The following LNX2 variants were observed in gnomAD, a reference collection of about 807,000 sequenced individuals.
LNX2 encodes ligand of Numb protein X 2.
Under a neutral mutation model 66.2 loss-of-function variants are expected in LNX2, and 35 were observed. The observed-to-expected ratio is 0.53, with a 90% CI of 0.40 to 0.70. LNX2 has a LOEUF of 0.70. Among genes scored for constraint, LNX2 ranks in the 30% least tolerant of loss-of-function variants. The pLI is 0.00. For synonymous variants in LNX2, 337 were observed against 315.6 expected, an observed-to-expected ratio of 1.07 and a Z score of -0.72; for missense variants, 791 against 850.8, an observed-to-expected ratio of 0.93 and a Z score of 0.87.
At chr13:27,591,231 C>G (rs1241497188) in intron 1 of LNX2, among the ~76,000 whole-genome samples, 1 of 152,082 alleles carries the variant, frequency 6.6e-6, no homozygotes, top group Non-Finnish European at 1.5e-5. Flanking sequence ...ACTGAGAAAA[C>G]TTAAAAGAAA....
At chr13:27,614,459 G>A (rs1319919248) in intron 1 of LNX2, among the ~76,000 whole-genome samples, 2 of 147,552 alleles carry the variant, frequency 1.4e-5, no homozygotes, top group African/African-American at 5.1e-5. Context: ...CAACCAATCA[G>A]CAGCAAGCAC....
chr13:27,581,992 C>G (rs114429150), intron 1 of LNX2, among the ~76,000 whole-genome samples, 189 bp from the exon 2 acceptor site: 59 of 152,152 alleles, frequency 3.9e-4, no homozygotes, highest in African/African-American at 1.3e-3. Flanking sequence ...CTGCCAAGTT[C>G]TTTTTTATTA....
intron 1 of LNX2, among the ~76,000 whole-genome samples, chr13:27,602,654 A>G (rs138977637): frequency 7.0e-4 from 107 of 152,302 alleles, no homozygotes; most frequent in African/African-American, 2.2e-3. Context: ...AAGAACTTCT[A>G]TGAACCTATG....
At chr13:27,568,813 A>G (rs1955238440) in intron 3 of LNX2, among the ~76,000 whole-genome samples, 1 of 152,238 alleles carries the variant, frequency 6.6e-6, no homozygotes, top group Non-Finnish European at 1.5e-5. Flanking sequence ...CCTCGGGGGT[A>G]AGATTTGTGA....
chr13:27,620,835 T>G (rs1955898810), upstream of LNX2: 1 of 150,946 alleles, frequency 6.6e-6, no homozygotes, highest in Admixed American at 6.7e-5. Flanking sequence ...GCTAGGTGTC[T>G]GCGCGCACCC....
In LNX2 at chr13:27,583,264, C is replaced by G. The variant is rs1165745295; in HGVS notation, c.-100-1461G>C. ...TGTGTGTGTGTGTGTGTGCGCGCGTCCTCTCCAACATACTTATTTTTAAGT... is the reference window on the plus strand; with the variant it reads ...TGTGTGTGTGTGTGTGTGCGCGCGTGCTCTCCAACATACTTATTTTTAAGT... On this transcript the variant is annotated intron_variant, in intron 1 of 9. Coordinates refer to ENST00000316334, the MANE Select transcript of LNX2 (RefSeq NM_153371.4). Among the ~76,000 whole-genome samples, 18 of 8,956 alleles carry G rather than the reference C, an allele frequency of 2.0e-3. 1 individual carries two copies. The highest frequency in any genetic ancestry group is 3.4e-3 in the Admixed American group (3 of 886). 5.9% of individuals were successfully genotyped at this position (8,956 alleles called of 152,430 possible).
At chr13:27,567,614 G>A in intron 4 of LNX2, 26 bp downstream of exon 4, 1 of 1,601,740 alleles carries the variant, frequency 6.2e-7, no homozygotes, top group Non-Finnish European at 8.6e-7. Flanking sequence ...AAAGGCACAA[G>A]TTAACAGAAT....
chr13:27,619,671 CTT>C (rs1453539477), intron 1 of LNX2, among the ~76,000 whole-genome samples: 2 of 152,200 alleles, frequency 1.3e-5, no homozygotes, highest in Non-Finnish European at 2.9e-5. Context: ...GATTCATAAA[CTT>C]AACGTAAACT....
At chr13:27,580,127 T>C (rs959588725) in intron 2 of LNX2, among the ~76,000 whole-genome samples, 3 of 152,114 alleles carry the variant, frequency 2.0e-5, no homozygotes, top group African/African-American at 7.2e-5. Flanking sequence ...ACAAAATGAA[T>C]GTGTATTTCA....
chr13:27,578,562 C>T (rs1453571275), intron 2 of LNX2, among the ~76,000 whole-genome samples: 4 of 152,104 alleles, frequency 2.6e-5, no homozygotes, highest in Admixed American at 1.3e-4. Context: ...TGACTGCTTC[C>T]AACAGAGAAG....
At chr13:27,577,353 CAAGTTA>C (rs1163885481) in intron 2 of LNX2, among the ~76,000 whole-genome samples, 1 of 152,146 alleles carries the variant, frequency 6.6e-6, no homozygotes, top group African/African-American at 2.4e-5. Flanking sequence ...AACTTCCCTC[CAAGTTA>C]AAGTGTGAAT....
At chr13:27,578,066 A>T (rs979859563) in intron 2 of LNX2, among the ~76,000 whole-genome samples, 1 of 152,230 alleles carries the variant, frequency 6.6e-6, no homozygotes, top group Admixed American at 6.5e-5. Flanking sequence ...TTATTTAAAC[A>T]TGTTCATCTT....
chr13:27,619,426 T>C (rs1038036361), intron 1 of LNX2, among the ~76,000 whole-genome samples: 3 of 152,126 alleles, frequency 2.0e-5, no homozygotes, highest in Admixed American at 6.5e-5. Flanking sequence ...GCAAAAGAAA[T>C]ATCAAAACCT....
chr13:27,569,136 G>A lies in LNX2; in HGVS notation c.548C>T (p.Thr183Ile), dbSNP rs371480520. The A allele has an allele frequency of 5.0e-6, 8 of 1,612,692 alleles. No individual in the cohort carries two copies. Among genetic ancestry groups the A allele is most frequent in the Non-Finnish European group, 5.9e-6 (7 of 1,179,596 alleles). The change falls in exon 3 of 10, where the codon ACA (threonine) becomes ATA (isoleucine). Residue 183 changes from threonine to isoleucine, a missense_variant. Coordinates refer to ENST00000316334, the MANE Select transcript of LNX2 (RefSeq NM_153371.4). Reference sequence around the variant, plus strand: ...GTGCCGCTCCACAGGCACTGCGCCTGTCCCCAAACAGTCTGCTTCTGGAGA... The same window carrying A: ...GTGCCGCTCCACAGGCACTGCGCCTATCCCCAAACAGTCTGCTTCTGGAGA... ...TLSPEADCLG[T>I]GAVPVERHLT... is the part of the protein sequence containing the mutation.
At chr13:27,609,494 T>C (rs1955752036) in intron 1 of LNX2, among the ~76,000 whole-genome samples, 1 of 152,204 alleles carries the variant, frequency 6.6e-6, no homozygotes, top group South Asian at 2.1e-4. Flanking sequence ...AGTTATATTA[T>C]AAACAAACAA....
intron 1 of LNX2, among the ~76,000 whole-genome samples, chr13:27,586,348 T>C (rs1017323119): frequency 6.6e-6 from 1 of 152,182 alleles, no homozygotes; most frequent in African/African-American, 2.4e-5. Flanking sequence ...CTTTAGAGTA[T>C]GAGTTTTGGA....
intron 5 of LNX2, among the ~76,000 whole-genome samples, chr13:27,562,088 C>G (rs1223803313): frequency 1.3e-5 from 2 of 152,094 alleles, no homozygotes; most frequent in African/African-American, 2.4e-5. Context: ...CCTCCCTTTC[C>G]TCACTTCTAA....
chr13:27,557,130 T>TA (rs1252658971), intron 6 of LNX2, among the ~76,000 whole-genome samples: 2 of 152,086 alleles, frequency 1.3e-5, no homozygotes, highest in African/African-American at 2.4e-5. Context: ...TAGAATTCAG[T>TA]AAAAAATAAG....
intron 1 of LNX2, among the ~76,000 whole-genome samples, chr13:27,590,084 G>C (rs912988668): frequency 4.6e-5 from 7 of 152,010 alleles, no homozygotes; most frequent in Non-Finnish European, 8.8e-5. Context: ...CCAGTAGCTG[G>C]GATTACAGGC....
Sources: gnomAD v4.1 joint callset for allele counts (sites outside exome capture counted in the v4.1 genomes callset) on GRCh38, gnomAD v4.1.1 for gene constraint, MANE v1.5 for transcripts, NCBI Gene and HGNC (gene_info 2026-07-23, HGNC 2026-07-21) for gene names.